The following SLC2A14 variants were observed in gnomAD, a reference collection of about 807,000 sequenced individuals.
SLC2A14 encodes solute carrier family 2, facilitated glucose transporter member 14.
A neutral mutation model predicts 43.0 loss-of-function variants in SLC2A14; 13 were observed. That is an observed-to-expected ratio of 0.30 (90% CI 0.20 to 0.48). The LOEUF (loss-of-function observed/expected upper bound fraction) is 0.48. Ranked by LOEUF, SLC2A14 falls within the 20% of genes least tolerant of loss-of-function variation. SLC2A14 has a pLI of 0.99. For missense variants in SLC2A14, 428 were observed against 620.4 expected, an observed-to-expected ratio of 0.69 and a Z score of 3.29; for synonymous variants, 190 against 233.8, an observed-to-expected ratio of 0.81 and a Z score of 1.71.
rs772524252 is a variant in SLC2A14 at position 7,839,881 on chromosome 12, C to T, written c.19-7067G>A. The T allele has an allele frequency of 1.1e-4, 47 of 439,204 alleles. No individual in the cohort carries two copies. In the East Asian group the frequency reaches 3.0e-3, roughly 28 times the overall value. The allele number at this position is 439,204 out of a possible 1,614,324, so 27.2% of individuals were successfully genotyped here. A position where few individuals can be genotyped will look rare whatever the true frequency, so the allele number is the denominator to read the frequency against. On this transcript the variant is annotated intron_variant, in intron 2 of 10. Coordinates refer to ENST00000431042, the MANE Select transcript of SLC2A14 (RefSeq NM_001286234.2). ...TTGAGTCCAGGAGTTCTTATTTCCC[C>T]CTTTTGGACCAGCCTGGGCGACACA...
intron 1 of SLC2A14, chr12:7,870,763 C>G (rs1945178980): frequency 1.3e-6 from 1 of 745,352 alleles, no homozygotes. Context: ...TCTTTTAACT[C>G]AAATAAATAT....
chr12:7,866,916 G>T (rs1044633814), intron 2 of SLC2A14, among the ~76,000 whole-genome samples: 1 of 151,646 alleles, frequency 6.6e-6, no homozygotes, highest in African/African-American at 2.4e-5. Context: ...CCTTACATTG[G>T]AGGAAGATGC....
chr12:7,867,262 CAG>C (rs1206428196), intron 2 of SLC2A14, among the ~76,000 whole-genome samples: 1 of 118,878 alleles, frequency 8.4e-6, no homozygotes, highest in African/African-American at 3.3e-5. Flanking sequence ...GCCTGGGCGA[CAG>C]AGGGAGACTC....
chr12:7,878,705 G>T (rs1332588363), intron 1 of SLC2A14, among the ~76,000 whole-genome samples: 1 of 151,866 alleles, frequency 6.6e-6, no homozygotes, highest in Non-Finnish European at 1.5e-5. Context: ...TGAGCCAGGT[G>T]GGGTGGCTCA....
At chr12:7,881,372 GCGGC>G (rs1169515995) in intron 1 of SLC2A14, among the ~76,000 whole-genome samples, 1 of 151,778 alleles carries the variant, frequency 6.6e-6, no homozygotes, top group Non-Finnish European at 1.5e-5. Flanking sequence ...CGCACTCGGA[GCGGC>G]CGGCCGGCCG....
At position 7,846,631 on chromosome 12, in the gene SLC2A14, C is replaced by A. The variant is rs1465973504; in HGVS notation, c.19-13817G>T. Among the ~76,000 whole-genome samples the A allele has an allele frequency of 7.3e-4, 98 of 133,472 alleles. 2 individuals are homozygous for A. Among genetic ancestry groups the A allele is most frequent in the Non-Finnish European group, 8.1e-5 (5 of 61,510 alleles). The allele number at this position is 133,472 out of a possible 152,430, so 87.6% of individuals were successfully genotyped here. On this transcript the variant is annotated intron_variant, in intron 2 of 10. Transcript: ENST00000431042. ...ACCTTGTGGTTACAATGTGAATATT[C>A]ATAATTTTTTTTTTTTTTGAGATGG...
chr12:7,855,627 CT>C (rs61214341), intron 2 of SLC2A14, among the ~76,000 whole-genome samples: 1 of 150,926 alleles, frequency 6.6e-6, no homozygotes, highest in Non-Finnish European at 1.5e-5. Context: ...ACAAATGCTC[CT>C]TTTTTTTTCT....
intron 2 of SLC2A14, chr12:7,850,846 C>T (rs1027747838): frequency 2.6e-5 from 4 of 152,134 alleles, no homozygotes; most frequent in Non-Finnish European, 5.9e-5. Flanking sequence ...GGCTTTTTTT[C>T]TCTGTCACAG....
Position 7,828,846 on chromosome 12 carries a change from G to A in SLC2A14, c.534C>T (p.Ile178=), listed in dbSNP as rs1864740838. Residue 178 remains isoleucine (I), a synonymous_variant, in exon 6 of 11, where the codon ATC becomes ATT. Coordinates refer to ENST00000431042, the MANE Select transcript of SLC2A14 (RefSeq NM_001286234.2). ...LVAQIFGLEL[I]LGSEELWPVL... is the part of the protein sequence containing the mutation. Reference sequence around the variant, plus strand: ...CCGGCCATAGCTCTTCAGACCCAAGGATGAGTTCCAGACCAAAGATCTAGA... The same window carrying A: ...CCGGCCATAGCTCTTCAGACCCAAGAATGAGTTCCAGACCAAAGATCTAGA... 1.2e-6 allele frequency: 2 copies of A among 1,614,018 alleles called. No individual in the cohort carries two copies. The highest frequency in any genetic ancestry group is 4.5e-5 in the East Asian group (2 of 44,868).
At chr12:7,886,315 C>T (rs901486488) in intron 1 of SLC2A14, among the ~76,000 whole-genome samples, 2 of 151,296 alleles carry the variant, frequency 1.3e-5, no homozygotes, top group African/African-American at 4.8e-5. Context: ...GCATGTGCCA[C>T]CTCGCCCAGC....
chr12:7,871,112 C>T lies in SLC2A14; in HGVS notation c.-57-1175G>A, dbSNP rs1945207998. On this transcript the variant is annotated intron_variant, in intron 1 of 10. Coordinates refer to ENST00000431042, the MANE Select transcript of SLC2A14 (RefSeq NM_001286234.2). ...CCAGGGCCCATCAACTTCACCACTT[C>T]CCTCACCATGTTTGGGGAGAAGCTG... is the stretch of plus-strand genomic sequence containing the variant. 1.6e-5 allele frequency: 22 copies of T among 1,343,992 alleles called. No homozygotes were observed. The Admixed American group carries it at 5.0e-4, about 31-fold the overall frequency. The allele number at this position is 1,343,992 out of a possible 1,614,324, so 83.3% of individuals were successfully genotyped here.
rs77893922 is a variant in SLC2A14, at chr12:7,868,536, A to T, written c.18+1327T>A. On this transcript the variant is annotated intron_variant, in intron 2 of 10. Coordinates refer to ENST00000431042, the MANE Select transcript of SLC2A14 (RefSeq NM_001286234.2). The stretch of plus-strand genomic sequence containing the variant: ...TGCTTTATTTTTCTTCTTAGAATTT[A>T]TCACTTCCTTCTCTATCAGGGTAGT... Among the ~76,000 whole-genome samples the T allele has an allele frequency of 1.6e-3, 239 of 152,206 alleles. 1 individual carries two copies. Among genetic ancestry groups the T allele is most frequent in the African/African-American group, 5.2e-3 (215 of 41,528 alleles).
At chr12:7,861,869 G>A (rs1193060575) in intron 2 of SLC2A14, among the ~76,000 whole-genome samples, 1 of 151,824 alleles carries the variant, frequency 6.6e-6, no homozygotes, top group African/African-American at 2.4e-5. Flanking sequence ...GGCTGACGCA[G>A]GAGAAATGCT....
chr12:7,826,713 C>T (rs994229723), intron 7 of SLC2A14, among the ~76,000 whole-genome samples: 6 of 151,892 alleles, frequency 4.0e-5, no homozygotes, highest in Admixed American at 6.6e-5. Context: ...TCTGTTTTGC[C>T]GCCCTCTTTA....
intron 2 of SLC2A14, among the ~76,000 whole-genome samples, chr12:7,838,387 A>G (rs1412090160): frequency 6.6e-6 from 1 of 152,090 alleles, no homozygotes; most frequent in Non-Finnish European, 1.5e-5. Flanking sequence ...TGCCCGGTCC[A>G]CAATTTTTTT....
chr12:7,875,617 C>A (rs1293103910), upstream of SLC2A14, among the ~76,000 whole-genome samples: 1 of 151,966 alleles, frequency 6.6e-6, no homozygotes, highest in African/African-American at 2.4e-5. Flanking sequence ...GGGTATAGAG[C>A]CTTTGGAATG....
chr12:7,859,205 A>G (rs1944410642), intron 2 of SLC2A14, among the ~76,000 whole-genome samples: 1 of 152,028 alleles, frequency 6.6e-6, no homozygotes, highest in African/African-American at 2.4e-5. Context: ...CCTGACGAAC[A>G]CGGTGAAACC....
intron 2 of SLC2A14, among the ~76,000 whole-genome samples, chr12:7,854,608 C>T (rs576259717): frequency 5.3e-5 from 8 of 152,070 alleles, no homozygotes; most frequent in Non-Finnish European, 1.0e-4. Context: ...ACCTCCGCCT[C>T]CCGGGTTCAA....
intron 1 of SLC2A14, among the ~76,000 whole-genome samples, chr12:7,879,316 A>AAAAC (rs1555149769): frequency 0.13 from 14,828 of 109,968 alleles, 933 homozygotes; most frequent in East Asian, 0.25. Flanking sequence ...TCTGCAAAAA[A>AAAAC]AAACAAACAA....
Sources: allele counts gnomAD v4.1 joint callset (sites outside exome capture counted in the v4.1 genomes callset), GRCh38; gene constraint gnomAD v4.1.1; transcripts MANE v1.5; gene names NCBI Gene and HGNC (gene_info 2026-07-23, HGNC 2026-07-21).